ASIC2: variants seen among roughly 807,000 people sequenced by gnomAD.
ASIC2 encodes the protein acid sensing ion channel subunit 2.
A neutral mutation model predicts 57.3 loss-of-function variants in ASIC2; 25 were observed. That is an observed-to-expected ratio of 0.44 (90% CI 0.32 to 0.61). The LOEUF is 0.61. ASIC2 is among the 20% of genes least tolerant of loss of function. ASIC2 has a pLI of 0.06. For synonymous variants in ASIC2, 319 were observed against 307.5 expected (o/e 1.04, Z -0.39); for missense variants, 641 against 738.1 (o/e 0.87, Z 1.52).
At chr17:33,644,040 G>C (rs961112288) in intron 1 of ASIC2, among the ~76,000 whole-genome samples, 17 of 152,064 alleles carry the variant, frequency 1.1e-4, no homozygotes, top group African/African-American at 4.1e-4. Flanking sequence ...TTCAATACTT[G>C]GTGAGTCCAA....
intron 1 of ASIC2, among the ~76,000 whole-genome samples, chr17:33,954,054 G>A (rs1450405086): frequency 6.6e-6 from 1 of 152,158 alleles, no homozygotes; most frequent in African/African-American, 2.4e-5. Context: ...CCTGGGCTAA[G>A]CCTGCCAACA....
chr17:33,746,451 T>C (rs920166727), intron 1 of ASIC2, among the ~76,000 whole-genome samples: 1 of 150,080 alleles, frequency 6.7e-6, no homozygotes, highest in Non-Finnish European at 1.5e-5. Flanking sequence ...TATGTGTATA[T>C]ATGTGTGTAT....
intron 1 of ASIC2, among the ~76,000 whole-genome samples, chr17:33,418,686 T>C (rs1910942924): frequency 6.6e-6 from 1 of 152,150 alleles, no homozygotes; most frequent in South Asian, 2.1e-4. Flanking sequence ...TGTAGATGTG[T>C]AGTTATTTCT....
At chr17:34,065,055 T>C (rs978018978) in intron 1 of ASIC2, among the ~76,000 whole-genome samples, 2 of 152,202 alleles carry the variant, frequency 1.3e-5, no homozygotes, top group African/African-American at 2.4e-5. Flanking sequence ...GAAGTCATTA[T>C]TTGAAGAACA....
intron 1 of ASIC2, among the ~76,000 whole-genome samples, chr17:33,683,938 A>G (rs1185559825): frequency 6.6e-6 from 1 of 152,234 alleles, no homozygotes; most frequent in East Asian, 1.9e-4. Flanking sequence ...GTCATGAGGT[A>G]CTGGGAGCTA....
In ASIC2 at chr17:33,064,935, C is replaced by T. The variant is rs563722072; in HGVS notation, c.987+23928G>A. On this transcript the variant is annotated intron_variant, in intron 3 of 9. Coordinates refer to ENST00000225823, the MANE Select transcript of ASIC2 (RefSeq NM_183377.2). ...AAATGGAAAGATGATATGTCCTTTGCACAGTACTGTGGGGAATGATTGAGA... is the reference window on the plus strand; with the variant it reads ...AAATGGAAAGATGATATGTCCTTTGTACAGTACTGTGGGGAATGATTGAGA... Among the ~76,000 whole-genome samples the T allele has an allele frequency of 1.3e-3, 198 of 152,252 alleles. 1 individual carries two copies. The highest frequency in any genetic ancestry group is 4.5e-3 in the African/African-American group (189 of 41,542).
rs547016044 is a variant in ASIC2, at chr17:33,847,863, G to A, written c.555+308115C>T. Among the ~76,000 whole-genome samples, 13 of 152,282 alleles carry A rather than the reference G, an allele frequency of 8.5e-5. No homozygotes were observed. In the East Asian group the frequency reaches 2.3e-3, roughly 27 times the overall value. On this transcript the variant is annotated intron_variant, in intron 1 of 9. Coordinates refer to the ASIC2 transcript ENST00000359872. ...AAAAAGAAGATCAAGTGTTAGGCAG[G>A]CAAGGGGCAGCAATGGGAGTGGAGA...
At chr17:33,337,966 A>G (rs949628269) in intron 1 of ASIC2, among the ~76,000 whole-genome samples, 1 of 146,602 alleles carries the variant, frequency 6.8e-6, no homozygotes, top group African/African-American at 2.6e-5. Context: ...GGCAAAGAGG[A>G]TGCAGATGTT....
At chr17:33,712,724 C>A (rs908645877) in intron 1 of ASIC2, among the ~76,000 whole-genome samples, 1 of 141,342 alleles carries the variant, frequency 7.1e-6, no homozygotes, top group Non-Finnish European at 1.5e-5. Context: ...CGGCTCACTG[C>A]AAGCTCCGCC....
intron 1 of ASIC2, among the ~76,000 whole-genome samples, chr17:33,773,561 C>T (rs186454560): frequency 5.9e-5 from 9 of 152,102 alleles, no homozygotes; most frequent in African/African-American, 1.4e-4. Context: ...TGGAATTGTA[C>T]CACACTGAGA....
rs114442751 is a variant in ASIC2 at position 33,918,894 on chromosome 17, A to G, written c.555+237084T>C. On this transcript the variant is annotated intron_variant, in intron 1 of 9. Coordinates refer to the ASIC2 transcript ENST00000359872. ...AACTTTGGTCTTCATGGATTTCCCA[A>G]AGGGTCTCAGGACACTGGTGCTGAG... Among the ~76,000 whole-genome samples the G allele has an allele frequency of 2.9e-3, 436 of 152,306 alleles. 9 individuals carry two copies. Among genetic ancestry groups the G allele is most frequent in the African/African-American group, 9.9e-3 (410 of 41,564 alleles).
chr17:34,103,067 G>A (rs1252267645), intron 1 of ASIC2, among the ~76,000 whole-genome samples: 1 of 152,092 alleles, frequency 6.6e-6, no homozygotes, highest in African/African-American at 2.4e-5. Flanking sequence ...AATATGCTTT[G>A]AAAATATTTT....
At chr17:33,887,267 A>T (rs192271317) in intron 1 of ASIC2, among the ~76,000 whole-genome samples, 1 of 152,336 alleles carries the variant, frequency 6.6e-6, no homozygotes, top group East Asian at 1.9e-4. Flanking sequence ...AACAGTGCCA[A>T]GCACTGGACA....
chr17:33,351,464 G>A (rs1908176046), intron 1 of ASIC2, among the ~76,000 whole-genome samples: 1 of 152,164 alleles, frequency 6.6e-6, no homozygotes, highest in African/African-American at 2.4e-5. Flanking sequence ...CAGGTCTAAT[G>A]ATTTCCCATC....
At chr17:33,548,909 T>TATCTA (rs1915662221) in intron 1 of ASIC2, among the ~76,000 whole-genome samples, 1 of 152,168 alleles carries the variant, frequency 6.6e-6, no homozygotes, top group Non-Finnish European at 1.5e-5. Flanking sequence ...CTCAGAGGGC[T>TATCTA]TCCCTGACTA....
At chr17:33,972,514 C>A (rs1265902740) in intron 1 of ASIC2, among the ~76,000 whole-genome samples, 1 of 152,064 alleles carries the variant, frequency 6.6e-6, no homozygotes, top group Non-Finnish European at 1.5e-5. Flanking sequence ...TGGTTTCTGA[C>A]TATACAGCAT....
At chr17:33,165,994 T>G (rs1905294969) in intron 1 of ASIC2, among the ~76,000 whole-genome samples, 1 of 152,144 alleles carries the variant, frequency 6.6e-6, no homozygotes, top group Admixed American at 6.5e-5. Context: ...CACCACAATT[T>G]GGTGAGCACC....
At chr17:33,384,784 G>A (rs905772157) in intron 1 of ASIC2, among the ~76,000 whole-genome samples, 1 of 152,154 alleles carries the variant, frequency 6.6e-6, no homozygotes, top group Non-Finnish European at 1.5e-5. Flanking sequence ...GCCAATCTGA[G>A]TCCCTAGAAC....
intron 1 of ASIC2, among the ~76,000 whole-genome samples, chr17:33,538,910 A>C (rs1159274704): frequency 6.6e-6 from 1 of 152,190 alleles, no homozygotes; most frequent in Non-Finnish European, 1.5e-5. Context: ...CAATCTTCTA[A>C]ATCTATAAAG....
Sources: allele counts gnomAD v4.1 joint callset (sites outside exome capture counted in the v4.1 genomes callset), GRCh38; gene constraint gnomAD v4.1.1; transcripts MANE v1.5; gene names NCBI Gene and HGNC (gene_info 2026-07-23, HGNC 2026-07-21).